IQGAP1: variants seen among roughly 807,000 people sequenced by gnomAD.
The protein encoded by IQGAP1 is ras GTPase-activating-like protein IQGAP1.
IQGAP1 carries 66 observed loss-of-function variants against 215.6 expected under a neutral mutation model. The observed-to-expected ratio is 0.31, with a 90% CI of 0.25 to 0.38. IQGAP1 has a LOEUF of 0.38. IQGAP1 is among the 10% of genes least tolerant of loss of function. The pLI is 1.00. For missense variants in IQGAP1, 1,712 were observed against 1,997.1 expected, an observed-to-expected ratio of 0.86 and a Z score of 2.72; for synonymous variants, 772 against 728.7, an observed-to-expected ratio of 1.06 and a Z score of -0.96.
chr15:90,416,033 A>AT (rs1191264781), intron 2 of IQGAP1, among the ~76,000 whole-genome samples: 1 of 151,106 alleles, frequency 6.6e-6, no homozygotes, highest in Non-Finnish European at 1.5e-5. Flanking sequence ...TTTTTTATTT[A>AT]TTATACTTTA....
rs747928504 is a variant in IQGAP1 at position 90,439,350 on chromosome 15, A to G, written c.486A>G (p.Leu162=). The change falls in exon 6 of 38, where the codon CTA becomes CTG. Residue 162 remains leucine (L), a synonymous_variant. Coordinates refer to ENST00000268182, the MANE Select transcript of IQGAP1 (RefSeq NM_003870.4). ...IHALSLYLFK[L]GLAPQIQDLY... is the part of the protein sequence containing the mutation. ...CTTCTAGTTTGTACCTGTTCAAGCT[A>G]GGCCTGGCCCCTCAGATTCAAGACC... 6.2e-7 allele frequency: 1 copy of G among 1,613,338 alleles called. No individual in the cohort carries two copies. The highest frequency in any genetic ancestry group is 1.1e-5 in the South Asian group (1 of 91,052).
rs200383967 is a variant in IQGAP1, at chr15:90,452,898, A to G, written c.1286A>G (p.Tyr429Cys). 8 of 1,614,096 alleles carry G rather than the reference A, an allele frequency of 5.0e-6. No individual in the cohort carries two copies. In the Admixed American group the frequency reaches 6.7e-5, roughly 13 times the overall value. ...GTGTATCCATTTGCCGCCGATCTCTATCAGAAGGAGCTGGCTACCCTGCAG... is the reference window on the plus strand; with the variant it reads ...GTGTATCCATTTGCCGCCGATCTCTGTCAGAAGGAGCTGGCTACCCTGCAG... ...PQVYPFAADL[Y>C]QKELATLQRQ... The change falls in exon 12 of 38, where the codon TAT becomes TGT. Residue 429 changes from tyrosine to cysteine, a missense_variant. Coordinates refer to ENST00000268182, the MANE Select transcript of IQGAP1 (RefSeq NM_003870.4).
At chr15:90,428,890 C>T (rs1032925179) in intron 3 of IQGAP1, among the ~76,000 whole-genome samples, 6 of 152,094 alleles carry the variant, frequency 3.9e-5, no homozygotes, top group African/African-American at 1.2e-4. Context: ...CTCATTCTGT[C>T]GCCTAGGCTG....
Position 90,494,698 on chromosome 15 carries a change from A to C in IQGAP1, c.4629-15A>C. 1 of 1,594,860 alleles carries C rather than the reference A, an allele frequency of 6.3e-7. No homozygotes were observed. The highest frequency in any genetic ancestry group is 8.5e-7 in the Non-Finnish European group (1 of 1,172,880). On this transcript the variant is annotated splice_polypyrimidine_tract_variant and intron_variant, in intron 35 of 37. Coordinates refer to ENST00000268182, the MANE Select transcript of IQGAP1 (RefSeq NM_003870.4). ...ATGGTTACTTATAGAAAGTGACATGATGTGATTTTTACAGAGTCTCCAAAA... is the reference window on the plus strand; with the variant it reads ...ATGGTTACTTATAGAAAGTGACATGCTGTGATTTTTACAGAGTCTCCAAAA...
chr15:90,491,311 A>G, intron 33 of IQGAP1, 22 bp from the exon 34 acceptor site: 2 of 1,606,062 alleles, frequency 1.2e-6, no homozygotes, highest in Non-Finnish European at 1.7e-6. Flanking sequence ...ACTTGCTAAG[A>G]ACTTCTTTTT....
Position 90,448,595 on chromosome 15 carries a change from C to T in IQGAP1, c.936C>T (p.Ile312=), listed in dbSNP as rs972290836. 5.6e-6 allele frequency: 9 copies of T among 1,593,850 alleles called. No individual in the cohort carries two copies. Among genetic ancestry groups the T allele is most frequent in the Admixed American group, 5.4e-5 (3 of 56,010 alleles). The part of the protein sequence containing the change: ...KVNTFSALAN[I]DLALEQGDAL... The stretch of plus-strand genomic sequence containing the variant: ...CAGCATTTTCTGCATTAGCAAATAT[C>T]GACCTGGCTTTAGAACAAGGAGATG... Residue 312 remains isoleucine (I), a synonymous_variant, in exon 10 of 38, where the codon ATC becomes ATT. Coordinates refer to ENST00000268182, the MANE Select transcript of IQGAP1 (RefSeq NM_003870.4).
At chr15:90,487,408 GTGC>G (rs3833031) in intron 32 of IQGAP1, 84 bp from the exon 33 acceptor site, 135,711 of 907,126 alleles carry the variant, frequency 0.15, 13,915 homozygotes, top group African/African-American at 0.45. Flanking sequence ...GGTACTGTTT[GTGC>G]TGCTGCTGCT....
intron 33 of IQGAP1, among the ~76,000 whole-genome samples, chr15:90,487,945 G>A (rs902537540): frequency 3.3e-5 from 5 of 152,158 alleles, no homozygotes; most frequent in Admixed American, 6.5e-5. Context: ...GTATTTGGCC[G>A]GGCATGGTGG....
intron 4 of IQGAP1, 33 bp downstream of exon 4, chr15:90,429,699 T>C (rs756573982): frequency 2.9e-5 from 41 of 1,431,266 alleles, no homozygotes; most frequent in Non-Finnish European, 4.0e-5. Flanking sequence ...TTAGGCTTTG[T>C]TCCAGCTGTT....
chr15:90,395,351 C>G (rs1028954225), intron 2 of IQGAP1, among the ~76,000 whole-genome samples: 1 of 151,374 alleles, frequency 6.6e-6, no homozygotes, highest in African/African-American at 2.4e-5. Context: ...AACGGAGTCT[C>G]GCTCTGTCGC....
chr15:90,444,618 T>A (rs1218894264), intron 9 of IQGAP1, among the ~76,000 whole-genome samples: 1 of 152,186 alleles, frequency 6.6e-6, no homozygotes. Context: ...GAGATTATAC[T>A]TTTAATATTG....
chr15:90,424,089 A>T (rs1031373415), intron 2 of IQGAP1, among the ~76,000 whole-genome samples: 4 of 150,876 alleles, frequency 2.7e-5, no homozygotes, highest in African/African-American at 9.8e-5. Flanking sequence ...TGAGGTTGTT[A>T]GGTTTTCACT....
chr15:90,481,182 A>G (rs979497842), intron 26 of IQGAP1, among the ~76,000 whole-genome samples: 3 of 150,698 alleles, frequency 2.0e-5, no homozygotes, highest in Admixed American at 6.6e-5. Context: ...ACATCCCTCA[A>G]CTTGTGGCTG....
chr15:90,466,216 G>A (rs1391581085), intron 16 of IQGAP1, 53 bp from the exon 17 acceptor site: 1 of 1,592,406 alleles, frequency 6.3e-7, no homozygotes, highest in African/African-American at 1.3e-5. Context: ...GAAGCAGTAT[G>A]TGAATTTAGA....
chr15:90,483,714 T>C, intron 29 of IQGAP1, 121 bp downstream of exon 29: 1 of 686,688 alleles, frequency 1.5e-6, no homozygotes, highest in Non-Finnish European at 2.5e-6. Context: ...GAAGACGTGT[T>C]TGATGTGCCC....
At chr15:90,466,985 G>A (rs750122101) in intron 17 of IQGAP1, among the ~76,000 whole-genome samples, 11 of 152,036 alleles carry the variant, frequency 7.2e-5, no homozygotes, top group Non-Finnish European at 1.6e-4. Flanking sequence ...CCAGCTACCC[G>A]GGAGGCTGGG....
intron 14 of IQGAP1, 129 bp from the exon 15 acceptor site, chr15:90,456,023 A>G: frequency 2.9e-6 from 2 of 687,512 alleles, no homozygotes; most frequent in Non-Finnish European, 4.8e-6. Context: ...TGCTTAACGG[A>G]TGGTAAGTTG....
chr15:90,404,703 C>T (rs895960527), intron 2 of IQGAP1, among the ~76,000 whole-genome samples: 5 of 152,022 alleles, frequency 3.3e-5, no homozygotes, highest in African/African-American at 7.3e-5. Flanking sequence ...CTCATCCTCC[C>T]GAGGAACTGG....
In IQGAP1 at chr15:90,454,486, A is replaced by G. The variant is rs781341708; in HGVS notation, c.1546A>G (p.Ile516Val). ...AQAHAENNEF[I>V]TWNDIQACVD... ...GGCACATGCAGAGAATAATGAATTC[A>G]TTACATGGAATGATATCCAAGCTTG... Residue 516 changes from isoleucine to valine, a missense_variant, in exon 14 of 38, where the codon ATT (isoleucine) becomes GTT (valine). Transcript: ENST00000268182. 1.2e-6 allele frequency: 2 copies of G among 1,612,108 alleles called. No homozygotes were observed. The highest frequency in any genetic ancestry group is 1.1e-5 in the South Asian group (1 of 90,718).
Sources: gnomAD v4.1 joint callset for allele counts (sites outside exome capture counted in the v4.1 genomes callset) on GRCh38, gnomAD v4.1.1 for gene constraint, MANE v1.5 for transcripts, NCBI Gene and HGNC (gene_info 2026-07-23, HGNC 2026-07-21) for gene names.